Variants in PLA2G7 observed in about 807,000 individuals in gnomAD.
PLA2G7 encodes platelet-activating factor acetylhydrolase.
A neutral mutation model predicts 49.6 loss-of-function variants in PLA2G7; 63 were observed. The ratio of observed to expected loss-of-function variants is 1.27; its 90% CI spans 1.04 to 1.57. PLA2G7 has a LOEUF of 1.57. Ranked by LOEUF, PLA2G7 falls within the 40% of genes most tolerant of loss-of-function variation. PLA2G7 has a pLI of 0.00. For synonymous variants in PLA2G7, 193 were observed against 169.9 expected, an observed-to-expected ratio of 1.14 and a Z score of -1.06; for missense variants, 596 against 521.2, an observed-to-expected ratio of 1.14 and a Z score of -1.40.
Position 46,717,107 on chromosome 6 carries a change from G to A in PLA2G7, c.110-11C>T, listed in dbSNP as rs2150701897. 1 of 1,610,206 alleles carries A rather than the reference G, an allele frequency of 6.2e-7. No individual in the cohort carries two copies. Among genetic ancestry groups the A allele is most frequent in the Non-Finnish European group, 8.5e-7 (1 of 1,176,538 alleles). ...TTTTGTTGACCCATGCTGAAAAACA[G>A]GTAAATATTATCTCATTTGTCATCC... On this transcript the variant is annotated splice_polypyrimidine_tract_variant and intron_variant, in intron 2 of 11. Transcript: ENST00000274793.
At chr6:46,708,300 T>A in intron 9 of PLA2G7, 139 bp from the exon 10 acceptor site, 2 of 727,802 alleles carry the variant, frequency 2.7e-6, no homozygotes, top group Non-Finnish European at 2.5e-6. Flanking sequence ...TAAAGAGGTA[T>A]CATACTTCAA....
intron 1 of PLA2G7, among the ~76,000 whole-genome samples, chr6:46,727,795 A>C (rs538028149): frequency 6.6e-6 from 1 of 152,224 alleles, no homozygotes; most frequent in African/African-American, 2.4e-5. Flanking sequence ...GGCATGAGCT[A>C]TAACATGTGG....
At chr6:46,704,805 A>T in intron 11 of PLA2G7, 109 bp from the exon 12 acceptor site, 1 of 728,870 alleles carries the variant, frequency 1.4e-6, no homozygotes, top group Non-Finnish European at 2.4e-6. Flanking sequence ...TTCCGTTAGG[A>T]TGGTAGAGAC....
At position 46,717,071 on chromosome 6, in the gene PLA2G7, C is replaced by A; in HGVS notation, c.135G>T (p.Leu45=). ...TTTGGCCAAAGCTTGCAGCAGCCAT[C>A]AGTACTTGTATTTTGTTGACCCATG... is the stretch of plus-strand genomic sequence containing the variant. ...SSAWVNKIQV[L]MAAASFGQTK... is the part of the protein sequence containing the mutation. The change falls in exon 3 of 12, where the codon CTG becomes CTT. Residue 45 remains leucine, a synonymous_variant. Transcript: ENST00000274793. 1 of 1,613,674 alleles carries A rather than the reference C, an allele frequency of 6.2e-7. No homozygotes were observed. The highest frequency in any genetic ancestry group is 8.5e-7 in the Non-Finnish European group (1 of 1,179,566).
At position 46,725,479 on chromosome 6, in the gene PLA2G7, C is replaced by T. The variant is rs554678809; in HGVS notation, c.-34-2554G>A. Reference sequence around the variant, plus strand: ...TCTCCTGACCTCATGATCTGCCCACCTTGGCCTCCCAAAGTGCTGGGATTA... The same window carrying T: ...TCTCCTGACCTCATGATCTGCCCACTTTGGCCTCCCAAAGTGCTGGGATTA... On this transcript the variant is annotated intron_variant, in intron 1 of 11. Transcript: ENST00000274793. 1.3e-4 allele frequency among the ~76,000 whole-genome samples: 20 copies of T among 152,176 alleles called. No homozygotes were observed. In the East Asian group the frequency reaches 3.9e-3, roughly 29 times the overall value.
intron 2 of PLA2G7, among the ~76,000 whole-genome samples, chr6:46,718,166 T>G (rs1765278928): frequency 6.6e-6 from 1 of 152,222 alleles, no homozygotes; most frequent in Admixed American, 6.5e-5. Flanking sequence ...ACGTTGGATC[T>G]TGACCCCTTC....
chr6:46,718,415 A>T (rs1424387083), intron 2 of PLA2G7, among the ~76,000 whole-genome samples: 1 of 152,246 alleles, frequency 6.6e-6, no homozygotes. Context: ...GGGTTGAAAC[A>T]TACTGAGGTT....
At chr6:46,722,024 A>C (rs566138925) in intron 2 of PLA2G7, among the ~76,000 whole-genome samples, 17 of 152,122 alleles carry the variant, frequency 1.1e-4, no homozygotes, top group African/African-American at 4.1e-4. Flanking sequence ...ATGCATCACA[A>C]TCCTCTGGGA....
rs922587177 is a variant in PLA2G7, at chr6:46,716,838, C to T, written c.231+137G>A. The T allele has an allele frequency of 9.1e-6, 8 of 880,500 alleles. No individual in the cohort carries two copies. The African/African-American group carries it at 1.3e-4, about 15-fold the overall frequency. The allele number at this position is 880,500 out of a possible 1,614,324, so 54.5% of individuals were successfully genotyped here. A position where few individuals can be genotyped will look rare whatever the true frequency, so the allele number is the denominator to read the frequency against. ...GAGGAATGGCCAAACTAGTAAAAGC[C>T]TTCATATGAAACAATACAAATTGCA... On this transcript the variant is annotated intron_variant, in intron 3 of 11. Transcript: ENST00000274793.
Position 46,712,352 on chromosome 6 carries a change from GA to G in PLA2G7, c.471-16del. The G allele has an allele frequency of 6.3e-7, 1 of 1,597,170 alleles. No individual in the cohort carries two copies. On this transcript the variant is annotated splice_polypyrimidine_tract_variant and intron_variant, in intron 5 of 11. Coordinates refer to ENST00000274793, the MANE Select transcript of PLA2G7 (RefSeq NM_005084.4). ...AATAAAGTGTCCTTCAAAACAAAAA[GA>G]GGGAAGAATTACAACTACCAGTCAT...
chr6:46,704,513 ATT>A lies in PLA2G7; in HGVS notation c.*45_*46del. On this transcript the variant is annotated 3_prime_UTR_variant, in exon 12 of 12. Transcript: ENST00000274793. ...ACACACACACACACACACACACATA[ATT>A]TTAGACAGTTTTGAAACAAGACTTT... The A allele has an allele frequency of 2.8e-6, 3 of 1,074,434 alleles. No homozygotes were observed. The highest frequency in any genetic ancestry group is 4.3e-6 in the Non-Finnish European group (3 of 704,838). The allele number at this position is 1,074,434 out of a possible 1,614,324, so 66.6% of individuals were successfully genotyped here.
intron 2 of PLA2G7, among the ~76,000 whole-genome samples, chr6:46,720,855 C>G (rs1765373887): frequency 6.6e-6 from 1 of 152,180 alleles, no homozygotes; most frequent in Non-Finnish European, 1.5e-5. Flanking sequence ...AGGACAATTA[C>G]ACTCTTATAT....
At chr6:46,722,984 C>A in intron 1 of PLA2G7, 59 bp from the exon 2 acceptor site, 1 of 740,878 alleles carries the variant, frequency 1.3e-6, no homozygotes, top group Non-Finnish European at 2.4e-6. Flanking sequence ...CTTAAATAAG[C>A]TGACAAATCA....
intron 1 of PLA2G7, among the ~76,000 whole-genome samples, chr6:46,734,822 A>AAAAG (rs1220469524): frequency 1.3e-5 from 2 of 151,622 alleles, no homozygotes; most frequent in Non-Finnish European, 2.9e-5. Context: ...ACTCCGCCTC[A>AAAAG]AAAGAAAGAA....
chr6:46,704,827 T>TACC, intron 11 of PLA2G7, 131 bp from the exon 12 acceptor site: 1 of 666,034 alleles, frequency 1.5e-6, no homozygotes, highest in South Asian at 1.9e-5. Context: ...ATGTGCTCTG[T>TACC]ATCAGCTGCC....
chr6:46,713,685 G>C (rs45554737), intron 5 of PLA2G7, among the ~76,000 whole-genome samples: 4 of 152,262 alleles, frequency 2.6e-5, no homozygotes, highest in Non-Finnish European at 5.9e-5. Flanking sequence ...GGGGTGACAG[G>C]TGAGAAAGTG....
In PLA2G7 at chr6:46,717,089, G is replaced by A. The variant is rs764364050; in HGVS notation, c.117C>T (p.Val39=). ...PVAHMKSSAW[V]NKIQVLMAAA... is the part of the protein sequence containing the mutation. ...CAGCCATCAGTACTTGTATTTTGTT[G>A]ACCCATGCTGAAAAACAGGTAAATA... Residue 39 remains valine, a synonymous_variant, in exon 3 of 12, where the codon GTC becomes GTT. Coordinates refer to ENST00000274793, the MANE Select transcript of PLA2G7 (RefSeq NM_005084.4). 1.9e-6 allele frequency: 3 copies of A among 1,613,262 alleles called. No homozygotes were observed. Among genetic ancestry groups the A allele is most frequent in the Non-Finnish European group, 2.5e-6 (3 of 1,179,246 alleles).
intron 6 of PLA2G7, 51 bp downstream of exon 6, chr6:46,712,218 T>C (rs761996555): frequency 2.7e-6 from 3 of 1,106,484 alleles, no homozygotes; most frequent in Non-Finnish European, 4.2e-6. Flanking sequence ...GTTATGAGCA[T>C]TGACATTCCC....
intron 2 of PLA2G7, among the ~76,000 whole-genome samples, chr6:46,721,431 C>A (rs762933671): frequency 6.6e-6 from 1 of 151,990 alleles, no homozygotes; most frequent in Admixed American, 6.6e-5. Context: ...TCCCTGTCCT[C>A]AAGTTTCTGT....
Sources: gnomAD v4.1 joint callset for allele counts (sites outside exome capture counted in the v4.1 genomes callset) on GRCh38, gnomAD v4.1.1 for gene constraint, MANE v1.5 for transcripts, NCBI Gene and HGNC (gene_info 2026-07-23, HGNC 2026-07-21) for gene names.